Variants in RBFOX2 observed in about 807,000 individuals in gnomAD.
RBFOX2 encodes the protein RNA binding fox-1 homolog 2.
RBFOX2 carries 10 observed loss-of-function variants against 49.1 expected under a neutral mutation model. That is an observed-to-expected ratio of 0.20 (90% CI 0.13 to 0.35). RBFOX2 has a LOEUF of 0.35. Ranked by LOEUF, RBFOX2 falls within the 10% of genes least tolerant of loss-of-function variation. The pLI is 1.00. For missense variants in RBFOX2, 323 were observed against 486.9 expected, an observed-to-expected ratio of 0.66 and a Z score of 3.17; for synonymous variants, 183 against 187.4, an observed-to-expected ratio of 0.98 and a Z score of 0.19.
chr22:35,867,680 TAGCA>T (rs1460818672), intron 1 of RBFOX2, among the ~76,000 whole-genome samples: 1 of 152,182 alleles, frequency 6.6e-6, no homozygotes, highest in African/African-American at 2.4e-5. Context: ...TTTTTAAAAT[TAGCA>T]TTCTTTGAAA....
chr22:35,750,691 C>A (rs938733586), intron 9 of RBFOX2, among the ~76,000 whole-genome samples: 7 of 152,222 alleles, frequency 4.6e-5, no homozygotes, highest in Non-Finnish European at 1.0e-4. Context: ...AGTGCTTCAT[C>A]GCTCCCCTAT....
intron 1 of RBFOX2, among the ~76,000 whole-genome samples, chr22:35,828,314 CA>C (rs1187169980): frequency 6.6e-6 from 1 of 152,130 alleles, no homozygotes; most frequent in African/African-American, 2.4e-5. Flanking sequence ...TTGAGCTTTA[CA>C]ACTGCCCCAA....
At chr22:35,893,543 T>C (rs542447993) in intron 1 of RBFOX2, among the ~76,000 whole-genome samples, 54 of 152,314 alleles carry the variant, frequency 3.5e-4, no homozygotes, top group African/African-American at 1.2e-3. Flanking sequence ...GCAAAGAGCC[T>C]GCACAGATGA....
At chr22:36,028,410 G>C in exon 1 of RBFOX2, 1 of 1,233,142 alleles carries the variant, frequency 8.1e-7, no homozygotes, top group Non-Finnish European at 1.0e-6. Flanking sequence ...TGATGCGGCT[G>C]GGCGCCCTCC....
At chr22:35,748,305 C>G (rs1933557509) in intron 9 of RBFOX2, 1 of 152,114 alleles carries the variant, frequency 6.6e-6, no homozygotes, top group African/African-American at 2.4e-5. Flanking sequence ...TATGAAGACT[C>G]TAATTAATAT....
chr22:35,924,466 A>C (rs1343429282), intron 1 of RBFOX2, among the ~76,000 whole-genome samples: 5 of 152,222 alleles, frequency 3.3e-5, no homozygotes, highest in Non-Finnish European at 4.4e-5. Flanking sequence ...GGCTCCATAA[A>C]ATGACAGATT....
chr22:35,814,495 G>A (rs1952565068), intron 1 of RBFOX2, among the ~76,000 whole-genome samples: 1 of 151,976 alleles, frequency 6.6e-6, no homozygotes, highest in Non-Finnish European at 1.5e-5. Flanking sequence ...GATCACTTGA[G>A]CCCAGGAGTT....
chr22:35,776,282 C>T (rs1943897153), intron 4 of RBFOX2, among the ~76,000 whole-genome samples: 1 of 152,212 alleles, frequency 6.6e-6, no homozygotes, highest in Admixed American at 6.5e-5. Context: ...AAATAGTTTA[C>T]TGGTTGCAGT....
At chr22:35,956,158 T>C (rs1054926601) in intron 1 of RBFOX2, among the ~76,000 whole-genome samples, 3 of 152,212 alleles carry the variant, frequency 2.0e-5, no homozygotes, top group Non-Finnish European at 4.4e-5. Flanking sequence ...CTTCCAACTG[T>C]TGACACATCT....
intron 1 of RBFOX2, among the ~76,000 whole-genome samples, chr22:35,875,077 G>A (rs2044848257): frequency 6.6e-6 from 1 of 152,158 alleles, no homozygotes; most frequent in Non-Finnish European, 1.5e-5. Context: ...TCACCTACAA[G>A]CCACAAGAGG....
intron 1 of RBFOX2, among the ~76,000 whole-genome samples, chr22:35,834,336 T>C (rs1005460293): frequency 1.4e-4 from 22 of 152,230 alleles, no homozygotes; most frequent in African/African-American, 5.1e-4. Flanking sequence ...CTGATATTAA[T>C]GCATCATAAG....
intron 1 of RBFOX2, among the ~76,000 whole-genome samples, chr22:35,861,647 A>G (rs2043108001): frequency 6.6e-6 from 1 of 152,222 alleles, no homozygotes; most frequent in African/African-American, 2.4e-5. Flanking sequence ...AAGCTTTGGC[A>G]AGGCTATGGA....
intron 4 of RBFOX2, among the ~76,000 whole-genome samples, chr22:35,775,866 A>AAAAAAAAAAAAAAAAGAAAT (rs1943792050): frequency 6.6e-6 from 1 of 151,112 alleles, no homozygotes; most frequent in African/African-American, 2.4e-5. Context: ...AAAAAAGAAA[A>AAAAAAAAAAAAAAAAGAAAT]GAAAAGAAAA....
chr22:35,948,026 C>T (rs2054507633), intron 1 of RBFOX2, among the ~76,000 whole-genome samples: 1 of 152,218 alleles, frequency 6.6e-6, no homozygotes, highest in Non-Finnish European at 1.5e-5. Flanking sequence ...CTCCAGGCTG[C>T]ATTCACAAGT....
chr22:35,777,818 T>C lies in RBFOX2; in HGVS notation c.453+207A>G, dbSNP rs1944295612. ...CCCTCAACCTTCTCTGCTTCTTACT[T>C]CATCACCCTTCCACCCCCATATAAG... On this transcript the variant is annotated intron_variant, in intron 4 of 11. Coordinates refer to ENST00000405409, the Ensembl canonical transcript of RBFOX2. 4 of 564,514 alleles carry C rather than the reference T, an allele frequency of 7.1e-6. No homozygotes were observed. The East Asian group carries it at 1.2e-4, about 16-fold the overall frequency. The allele number at this position is 564,514 out of a possible 1,614,324, so 35.0% of individuals were successfully genotyped here. A position where few individuals can be genotyped will look rare whatever the true frequency, so the allele number is the denominator to read the frequency against.
intron 1 of RBFOX2, among the ~76,000 whole-genome samples, chr22:35,921,906 G>T (rs1429962109): frequency 6.6e-6 from 1 of 152,142 alleles, no homozygotes; most frequent in Non-Finnish European, 1.5e-5. Flanking sequence ...GCCCTCTGTT[G>T]ACAAAAACTG....
Position 35,746,011 on chromosome 22 carries a change from A to G in RBFOX2, c.977-16T>C. On this transcript the variant is annotated splice_polypyrimidine_tract_variant and intron_variant, in intron 10 of 11. Transcript: ENST00000405409. The stretch of plus-strand genomic sequence containing the variant: ...CCTGCCATAACTGGAAAGAAGAAAC[A>G]CAATCAGACAGATAAAGAAAAGTGT... The G allele has an allele frequency of 1.9e-6, 3 of 1,601,386 alleles. No homozygotes were observed. The highest frequency in any genetic ancestry group is 2.6e-6 in the Non-Finnish European group (3 of 1,168,902).
chr22:35,900,378 G>C (rs944582564), intron 1 of RBFOX2, among the ~76,000 whole-genome samples: 1 of 151,882 alleles, frequency 6.6e-6, no homozygotes, highest in Admixed American at 6.6e-5. Context: ...GAGGATAGCG[G>C]GGGGAAGTAG....
chr22:36,014,108 A>G (rs1193060772), intron 1 of RBFOX2, among the ~76,000 whole-genome samples: 1 of 149,936 alleles, frequency 6.7e-6, no homozygotes, highest in Non-Finnish European at 1.5e-5. Context: ...GCAGGATGAT[A>G]CCTATTATCA....
Sources: allele counts gnomAD v4.1 joint callset (sites outside exome capture counted in the v4.1 genomes callset), GRCh38; gene constraint gnomAD v4.1.1; transcripts MANE v1.5; gene names NCBI Gene and HGNC (gene_info 2026-07-23, HGNC 2026-07-21).